Variants in POFUT3 observed in about 807,000 individuals in gnomAD.
POFUT3 encodes GDP-fucose protein O-fucosyltransferase 3.
At chr8:33,409,329 C>T in the POFUT3 span, among the ~76,000 whole-genome samples, 1 of 152,128 alleles carries the variant, frequency 6.6e-6, no homozygotes, top group South Asian at 2.1e-4. Flanking sequence ...TCTCGAACCC[C>T]TGACCTCACG....
the POFUT3 span, among the ~76,000 whole-genome samples, chr8:33,311,657 G>A: frequency 8.5e-5 from 13 of 152,276 alleles, no homozygotes; most frequent in African/African-American, 2.9e-4. Flanking sequence ...GCACTCTACT[G>A]TAATTTCTGA....
chr8:33,402,073 T>C, the POFUT3 span, among the ~76,000 whole-genome samples: 1 of 152,130 alleles, frequency 6.6e-6, no homozygotes, highest in African/African-American at 2.4e-5. Flanking sequence ...GCTATTTTTC[T>C]AAGTTAGGTG....
At chr8:33,345,398 C>CTTTT in the POFUT3 span, among the ~76,000 whole-genome samples, 2 of 122,458 alleles carry the variant, frequency 1.6e-5, no homozygotes, top group Non-Finnish European at 3.4e-5. Context: ...GTATATTTTA[C>CTTTT]TTTTTTTTTT....
the POFUT3 span, among the ~76,000 whole-genome samples, chr8:33,374,526 G>T: frequency 6.6e-6 from 1 of 152,178 alleles, no homozygotes; most frequent in African/African-American, 2.4e-5. Flanking sequence ...TCCTAGCGCA[G>T]ACAGAGGATG....
chr8:33,329,598 C>G, the POFUT3 span, among the ~76,000 whole-genome samples: 1 of 152,152 alleles, frequency 6.6e-6, no homozygotes, highest in African/African-American at 2.4e-5. Context: ...CATAATGTGA[C>G]TTGGAGTCCC....
the POFUT3 span, chr8:33,461,856 C>A: frequency 2.9e-6 from 1 of 350,244 alleles, no homozygotes; most frequent in Non-Finnish European, 5.5e-6. Context: ...CCTAGTACCT[C>A]ACTCATAAGT....
chr8:33,340,288 T>C, the POFUT3 span, among the ~76,000 whole-genome samples: 1 of 152,026 alleles, frequency 6.6e-6, no homozygotes, highest in Non-Finnish European at 1.5e-5. Flanking sequence ...TCTTTGGTGA[T>C]AATAATATGT....
the POFUT3 span, among the ~76,000 whole-genome samples, chr8:33,422,372 G>A: frequency 2.6e-5 from 4 of 151,512 alleles, no homozygotes; most frequent in East Asian, 1.9e-4. Context: ...GTAAAACTCC[G>A]TCTCTACTAA....
chr8:33,440,040 CAG>C, the POFUT3 span, among the ~76,000 whole-genome samples: 1 of 151,798 alleles, frequency 6.6e-6, no homozygotes, highest in Non-Finnish European at 1.5e-5. Context: ...GTTAGGTCCT[CAG>C]AGAGGCCTCC....
At chr8:33,340,234 G>GCA in the POFUT3 span, among the ~76,000 whole-genome samples, 23 of 151,794 alleles carry the variant, frequency 1.5e-4, no homozygotes, top group African/African-American at 4.8e-4. Context: ...ATCAAATAAT[G>GCA]CACACACACA....
chr8:33,416,984 A>T, the POFUT3 span, among the ~76,000 whole-genome samples: 1 of 152,212 alleles, frequency 6.6e-6, no homozygotes, highest in African/African-American at 2.4e-5. Context: ...GCCGGTATCC[A>T]TCCGTAGCCT....
the POFUT3 span, among the ~76,000 whole-genome samples, chr8:33,353,693 C>T: frequency 6.6e-5 from 10 of 152,122 alleles, no homozygotes; most frequent in Admixed American, 3.3e-4. Flanking sequence ...GATCTGGCAC[C>T]TGAGCCAGCT....
At chr8:33,369,380 GACA>G in the POFUT3 span, among the ~76,000 whole-genome samples, 4 of 152,008 alleles carry the variant, frequency 2.6e-5, no homozygotes, top group Non-Finnish European at 4.4e-5. Flanking sequence ...TGTAATCAAA[GACA>G]ACAAGATATA....
At chr8:33,336,984 G>A in the POFUT3 span, among the ~76,000 whole-genome samples, 2 of 152,156 alleles carry the variant, frequency 1.3e-5, no homozygotes, top group East Asian at 3.9e-4. Flanking sequence ...CAAAAGGTTA[G>A]CAAAGATGTT....
chr8:33,461,484 T>A, the POFUT3 span: 4 of 1,613,270 alleles, frequency 2.5e-6, no homozygotes, highest in Non-Finnish European at 3.4e-6. Flanking sequence ...GACAGAGGGC[T>A]AACCTGGTTA....
the POFUT3 span, chr8:33,372,241 C>G: frequency 3.7e-4 from 386 of 1,042,188 alleles, 4 homozygotes; most frequent in African/African-American, 6.3e-3. Context: ...TATCAAGAAT[C>G]TATAGCTAGA....
At chr8:33,426,975 G>C in the POFUT3 span, among the ~76,000 whole-genome samples, 3 of 152,186 alleles carry the variant, frequency 2.0e-5, no homozygotes, top group Non-Finnish European at 4.4e-5. Flanking sequence ...GGTTATTCCA[G>C]AGAGTACCAG....
At chr8:33,419,598 A>T in the POFUT3 span, among the ~76,000 whole-genome samples, 1 of 152,056 alleles carries the variant, frequency 6.6e-6, no homozygotes, top group African/African-American at 2.4e-5. Context: ...GACGTTGGGA[A>T]CCCGTCCCTT....
chr8:33,399,362 C>T, the POFUT3 span, among the ~76,000 whole-genome samples: 1 of 152,172 alleles, frequency 6.6e-6, no homozygotes, highest in Non-Finnish European at 1.5e-5. Flanking sequence ...AATCCTTGTG[C>T]TCTCTGGTTC....
Sources: gnomAD v4.1 joint callset for allele counts (sites outside exome capture counted in the v4.1 genomes callset) on GRCh38, gnomAD v4.1.1 for gene constraint, MANE v1.5 for transcripts, NCBI Gene and HGNC (gene_info 2026-07-23, HGNC 2026-07-21) for gene names.